Variants in ADAMTSL3 observed in about 807,000 individuals in gnomAD.
ADAMTSL3 encodes the protein ADAMTS-like protein 3.
A neutral mutation model predicts 201.7 loss-of-function variants in ADAMTSL3; 128 were observed. The observed-to-expected ratio is 0.63, with a 90% CI of 0.55 to 0.73. The LOEUF is 0.73. Ranked by LOEUF, ADAMTSL3 falls within the 30% of genes least tolerant of loss-of-function variation. The pLI is 0.00. For synonymous variants in ADAMTSL3, 738 were observed against 748.4 expected, an observed-to-expected ratio of 0.99 and a Z score of 0.23; for missense variants, 1,990 against 2,119.6, an observed-to-expected ratio of 0.94 and a Z score of 1.20.
At chr15:83,877,259 C>G (rs548661896) in intron 9 of ADAMTSL3, among the ~76,000 whole-genome samples, 8 of 152,236 alleles carry the variant, frequency 5.3e-5, no homozygotes, top group Admixed American at 5.2e-4. Context: ...TGTTTGGAAG[C>G]CTTAATATTT....
intron 17 of ADAMTSL3, among the ~76,000 whole-genome samples, chr15:83,927,970 T>G (rs1248049562): frequency 7.0e-6 from 1 of 143,088 alleles, no homozygotes. Flanking sequence ...TTTGGCTGTG[T>G]GATTTTTTTT....
chr15:83,706,745 A>C (rs1029216490), intron 3 of ADAMTSL3, among the ~76,000 whole-genome samples: 2 of 151,714 alleles, frequency 1.3e-5, no homozygotes, highest in Non-Finnish European at 2.9e-5. Context: ...ACCCACACTT[A>C]GGTGATCCTC....
At chr15:84,035,719 C>G (rs986154682) in intron 28 of ADAMTSL3, among the ~76,000 whole-genome samples, 11 of 152,152 alleles carry the variant, frequency 7.2e-5, no homozygotes, top group African/African-American at 2.4e-4. Flanking sequence ...GATAAGGAAC[C>G]TTTAATGGGA....
chr15:83,917,453 A>ATGTG (rs2066056464), intron 16 of ADAMTSL3, among the ~76,000 whole-genome samples: 1 of 152,022 alleles, frequency 6.6e-6, no homozygotes, highest in South Asian at 2.1e-4. Context: ...GTATGTATGT[A>ATGTG]TGTATATGTA....
At chr15:83,877,757 TTCTC>T (rs1428763844) in intron 9 of ADAMTSL3, among the ~76,000 whole-genome samples, 9 of 152,212 alleles carry the variant, frequency 5.9e-5, no homozygotes, top group Non-Finnish European at 7.3e-5. Context: ...CTTTTAAAAT[TTCTC>T]TCAATAATGT....
intron 2 of ADAMTSL3, among the ~76,000 whole-genome samples, chr15:83,698,626 G>C (rs1479165661): frequency 2.5e-5 from 2 of 80,090 alleles, no homozygotes; most frequent in African/African-American, 1.0e-4. Flanking sequence ...AGGGCCACAT[G>C]CCACTGAGTC....
At chr15:83,821,203 G>T (rs1182430865) in intron 6 of ADAMTSL3, among the ~76,000 whole-genome samples, 1 of 152,000 alleles carries the variant, frequency 6.6e-6, no homozygotes, top group African/African-American at 2.4e-5. Flanking sequence ...GTGAGCAGAG[G>T]TTATTTTATT....
chr15:83,871,465 A>G (rs972885710), intron 9 of ADAMTSL3, among the ~76,000 whole-genome samples: 3 of 152,226 alleles, frequency 2.0e-5, no homozygotes, highest in East Asian at 3.9e-4. Flanking sequence ...GAGAGCAGAG[A>G]CAACAGCGGC....
chr15:83,901,834 CT>C (rs1477556959), intron 15 of ADAMTSL3, among the ~76,000 whole-genome samples: 10 of 90,368 alleles, frequency 1.1e-4, no homozygotes, highest in Non-Finnish European at 1.8e-4. Context: ...GTTTGAGGCA[CT>C]TGAGAGAGAG....
At chr15:83,988,630 C>T in intron 21 of ADAMTSL3, 61 bp from the exon 22 acceptor site, 1 of 1,416,758 alleles carries the variant, frequency 7.1e-7, no homozygotes, top group South Asian at 1.6e-5. Context: ...CTGCAACTCA[C>T]TGTAGCCCTA....
At chr15:83,666,855 AAAAG>A (rs2061254320) in intron 2 of ADAMTSL3, among the ~76,000 whole-genome samples, 1 of 151,956 alleles carries the variant, frequency 6.6e-6, no homozygotes, top group Admixed American at 6.6e-5. Context: ...GAAAAAAAAA[AAAAG>A]AAAAGAAATA....
chr15:83,850,151 G>A (rs568186292), intron 7 of ADAMTSL3, among the ~76,000 whole-genome samples: 1 of 151,872 alleles, frequency 6.6e-6, no homozygotes, highest in African/African-American at 2.4e-5. Context: ...ACCTCGCCCT[G>A]CAGCTGCACC....
intron 20 of ADAMTSL3, among the ~76,000 whole-genome samples, chr15:83,981,433 G>A (rs1262594428): frequency 1.3e-5 from 2 of 152,198 alleles, no homozygotes; most frequent in Non-Finnish European, 2.9e-5. Context: ...AGTTATATAT[G>A]AGAGCTCATT....
intron 8 of ADAMTSL3, among the ~76,000 whole-genome samples, chr15:83,865,392 A>G (rs865943691): frequency 2.0e-5 from 3 of 152,224 alleles, no homozygotes; most frequent in Middle Eastern, 3.2e-3. Flanking sequence ...CCAAAACAGC[A>G]TGGTACTGGT....
At position 83,913,490 on chromosome 15, in the gene ADAMTSL3, A is replaced by C. The variant is rs960561762; in HGVS notation, c.1987+112A>C. On this transcript the variant is annotated intron_variant, in intron 16 of 29. Coordinates refer to ENST00000286744, the MANE Select transcript of ADAMTSL3 (RefSeq NM_207517.3). The stretch of plus-strand genomic sequence containing the variant: ...AATTAGCAAAAGTCTAAAGGAGGTG[A>C]AGTCATTCAAATAACTGAAAATGAT... 16 of 1,051,990 alleles carry C rather than the reference A, an allele frequency of 1.5e-5. No individual in the cohort carries two copies. In the African/African-American group the frequency reaches 2.1e-4, roughly 14 times the overall value. 65.2% of individuals were successfully genotyped at this position (1,051,990 alleles called of 1,614,324 possible). A position where few individuals can be genotyped will look rare whatever the true frequency, so the allele number is the denominator to read the frequency against.
At chr15:83,959,576 G>A (rs1279800550) in intron 19 of ADAMTSL3, among the ~76,000 whole-genome samples, 1 of 152,174 alleles carries the variant, frequency 6.6e-6, no homozygotes, top group African/African-American at 2.4e-5. Flanking sequence ...CTGAAGGAAA[G>A]AAAGTGTGAG....
At chr15:83,928,045 A>G (rs1467726028) in intron 17 of ADAMTSL3, among the ~76,000 whole-genome samples, 1 of 151,666 alleles carries the variant, frequency 6.6e-6, no homozygotes, top group Non-Finnish European at 1.5e-5. Flanking sequence ...GTATGATCAC[A>G]GTTCACTGCA....
rs959160780 is a variant in ADAMTSL3, at chr15:83,855,285, C to T, written c.728-3481C>T. 5.3e-5 allele frequency among the ~76,000 whole-genome samples: 8 copies of T among 152,310 alleles called. 1 individual carries two copies. In the East Asian group the frequency reaches 1.3e-3, roughly 26 times the overall value. ...AATATGTTGGAGTTTTTCAAAACCACCTGTGGACATCTCATTCCCAGCTTT... is the reference window on the plus strand; with the variant it reads ...AATATGTTGGAGTTTTTCAAAACCATCTGTGGACATCTCATTCCCAGCTTT... On this transcript the variant is annotated intron_variant, in intron 7 of 29. Transcript: ENST00000286744.
chr15:83,765,617 G>C (rs995621233), intron 3 of ADAMTSL3, among the ~76,000 whole-genome samples: 6 of 152,150 alleles, frequency 3.9e-5, no homozygotes, highest in African/African-American at 1.4e-4. Context: ...CAGTACTTGA[G>C]TCTTTATGAG....
Sources: allele counts gnomAD v4.1 joint callset (sites outside exome capture counted in the v4.1 genomes callset), GRCh38; gene constraint gnomAD v4.1.1; transcripts MANE v1.5; gene names NCBI Gene and HGNC (gene_info 2026-07-23, HGNC 2026-07-21).